JMJD1C: variants seen among roughly 807,000 people sequenced by gnomAD.
JMJD1C encodes jumonji domain containing 1C, also known as jumonji domain-containing protein 1C.
A neutral mutation model predicts 245.3 loss-of-function variants in JMJD1C; 31 were observed. The observed-to-expected ratio is 0.13, with a 90% confidence interval of 0.09 to 0.17. The LOEUF (loss-of-function observed/expected upper bound fraction) is 0.17. JMJD1C is among the 10% of genes least tolerant of loss of function. JMJD1C has a pLI of 1.00. For synonymous variants in JMJD1C, 1,057 were observed against 1,017.4 expected, an observed-to-expected ratio of 1.04 and a Z score of -0.74; for missense variants, 2,691 against 3,000.2, an observed-to-expected ratio of 0.90 and a Z score of 2.41.
chr10:63,336,482 A>C (rs1942747700), intron 2 of JMJD1C, among the ~76,000 whole-genome samples: 1 of 151,948 alleles, frequency 6.6e-6, no homozygotes, highest in East Asian at 1.9e-4. Context: ...AATAAATAAA[A>C]CTACTTACCC....
Position 63,215,113 on chromosome 10 carries a change from T to C in JMJD1C, c.1054A>G (p.Arg352Gly), listed in dbSNP as rs774966850. 1 of 1,575,666 alleles carries C rather than the reference T, an allele frequency of 6.3e-7. No homozygotes were observed. The highest frequency in any genetic ancestry group is 2.2e-5 in the East Asian group (1 of 44,484). The change falls in exon 8 of 26, where the codon AGA becomes GGA. Residue 352 changes from arginine (R) to glycine (G), a missense_variant. This residue lies in a region of JMJD1C where 1,562 missense variants were observed against 1,490.7 expected (regional missense o/e 1.05). Coordinates refer to ENST00000399262, the MANE Select transcript of JMJD1C (RefSeq NM_032776.3). ...TTTTCATCCTCCTCAGGTTTCCTTC[T>C]TTTATTCATCAAGTGTTTGTTTTTA... ...KGKNKHLMNK[R>G]RKPEEDEKKL...
chr10:63,284,630 C>G (rs1857763640), intron 2 of JMJD1C, among the ~76,000 whole-genome samples: 1 of 152,046 alleles, frequency 6.6e-6, no homozygotes, highest in Non-Finnish European at 1.5e-5. Flanking sequence ...TTTCTGGTGA[C>G]AAAAACATCA....
At chr10:63,414,287 T>C (rs1229604527) in intron 1 of JMJD1C, among the ~76,000 whole-genome samples, 1 of 152,146 alleles carries the variant, frequency 6.6e-6, no homozygotes, top group Non-Finnish European at 1.5e-5. Context: ...ACCCAGCCAA[T>C]ACTGTGTATT....
rs1842025700 is a variant in JMJD1C, at chr10:63,168,252, G to GT, written c.7534-119dup. 2.8e-5 allele frequency: 28 copies of GT among 986,048 alleles called. 2 individuals carry two copies. In the South Asian group the frequency reaches 4.4e-4, roughly 15 times the overall value. 61.1% of individuals were successfully genotyped at this position (986,048 alleles called of 1,614,324 possible). A position where few individuals can be genotyped will look rare whatever the true frequency, so the allele number is the denominator to read the frequency against. ...TAGGAAAGCCAAATATAAGAAAAAT[G>GT]TTTGAAAGTGTTAAGCCAAAAGGGA... On this transcript the variant is annotated intron_variant, in intron 25 of 25. Transcript: ENST00000399262.
At chr10:63,324,419 A>C (rs1389018730) in intron 2 of JMJD1C, among the ~76,000 whole-genome samples, 1 of 152,224 alleles carries the variant, frequency 6.6e-6, no homozygotes, top group East Asian at 1.9e-4. Context: ...AGGAGATAAT[A>C]GTACAAAGTT....
chr10:63,220,240 A>G (rs1014918725), intron 3 of JMJD1C, among the ~76,000 whole-genome samples: 2 of 152,240 alleles, frequency 1.3e-5, no homozygotes, highest in African/African-American at 4.8e-5. Context: ...TCTAACTTTT[A>G]AAGTATAGCC....
chr10:63,222,944 A>G (rs1848781417), intron 3 of JMJD1C: 1 of 1,497,060 alleles, frequency 6.7e-7, no homozygotes, highest in African/African-American at 1.4e-5. Flanking sequence ...CTGCCATATA[A>G]TTCAAATATT....
At chr10:63,296,961 G>A (rs1277770697) in intron 2 of JMJD1C, among the ~76,000 whole-genome samples, 1 of 152,120 alleles carries the variant, frequency 6.6e-6, no homozygotes, top group Non-Finnish European at 1.5e-5. Flanking sequence ...CAAAGTACCT[G>A]TTACTATATA....
chr10:63,217,620 TATA>T (rs1848143930), intron 4 of JMJD1C: 2 of 192,314 alleles, frequency 1.0e-5, no homozygotes, highest in South Asian at 1.6e-4. Context: ...AATGCAAAGT[TATA>T]GTAGTGTAGA....
At chr10:63,266,332 A>G (rs1385930901) in intron 2 of JMJD1C, among the ~76,000 whole-genome samples, 1 of 152,066 alleles carries the variant, frequency 6.6e-6, no homozygotes, top group African/African-American at 2.4e-5. Flanking sequence ...TTATTTAGCT[A>G]TTTCCTTCTA....
intron 1 of JMJD1C, among the ~76,000 whole-genome samples, chr10:63,408,463 C>G (rs1949299136): frequency 6.6e-6 from 1 of 151,490 alleles, no homozygotes; most frequent in East Asian, 1.9e-4. Flanking sequence ...AATTTCCAAG[C>G]AGAGACACAA....
At chr10:63,448,007 T>A (rs1951815118) in intron 1 of JMJD1C, among the ~76,000 whole-genome samples, 1 of 152,050 alleles carries the variant, frequency 6.6e-6, no homozygotes, top group Non-Finnish European at 1.5e-5. Flanking sequence ...TAAAGTATTG[T>A]GAAAACCAAG....
chr10:63,520,811 C>A (rs1955192898), intron 1 of JMJD1C, among the ~76,000 whole-genome samples: 1 of 152,182 alleles, frequency 6.6e-6, no homozygotes, highest in Non-Finnish European at 1.5e-5. Flanking sequence ...AACATGAAAT[C>A]CTCCTCTGTC....
rs1853881819 is a variant in JMJD1C, at chr10:63,256,107, T to C, written c.447+8544A>G. On this transcript the variant is annotated intron_variant, in intron 3 of 25. Coordinates refer to ENST00000399262, the MANE Select transcript of JMJD1C (RefSeq NM_032776.3). ...GGAGACTGGCAGATTTTTCAGCATATGATCACAGCAGATTTGGGACCAGGA... is the reference window on the plus strand; with the variant it reads ...GGAGACTGGCAGATTTTTCAGCATACGATCACAGCAGATTTGGGACCAGGA... Among the ~76,000 whole-genome samples the C allele has an allele frequency of 2.0e-5, 3 of 152,276 alleles. 1 individual carries two copies. The highest frequency in any genetic ancestry group is 7.2e-5 in the African/African-American group (3 of 41,560).
At chr10:63,352,772 G>A (rs1944472485) in intron 2 of JMJD1C, among the ~76,000 whole-genome samples, 1 of 152,142 alleles carries the variant, frequency 6.6e-6, no homozygotes, top group African/African-American at 2.4e-5. Flanking sequence ...GCATAGGTAT[G>A]CGTAGTTTTT....
chr10:63,271,429 C>A (rs1856284324), intron 2 of JMJD1C, among the ~76,000 whole-genome samples: 1 of 152,120 alleles, frequency 6.6e-6, no homozygotes, highest in African/African-American at 2.4e-5. Context: ...CCACCGATCT[C>A]AGCCTCTCAA....
chr10:63,192,919 G>A lies in JMJD1C; in HGVS notation c.6076+19C>T. On this transcript the variant is annotated intron_variant, in intron 16 of 25. Transcript: ENST00000399262. The stretch of plus-strand genomic sequence containing the variant: ...ACTATACTCCTCTCACACATGCCTA[G>A]ATAATCAATTATGTTTACCTTTTTT... 1.3e-6 allele frequency: 2 copies of A among 1,570,874 alleles called. No individual in the cohort carries two copies. Among genetic ancestry groups the A allele is most frequent in the Non-Finnish European group, 1.8e-6 (2 of 1,141,428 alleles).
At chr10:63,397,161 ATAAC>A (rs1948557004) in intron 1 of JMJD1C, among the ~76,000 whole-genome samples, 1 of 152,214 alleles carries the variant, frequency 6.6e-6, no homozygotes, top group Non-Finnish European at 1.5e-5. Flanking sequence ...CATTTAATAA[ATAAC>A]CACAGTCTTC....
intron 1 of JMJD1C, among the ~76,000 whole-genome samples, chr10:63,420,496 G>C (rs759936284): frequency 3.3e-5 from 5 of 151,864 alleles, no homozygotes; most frequent in South Asian, 4.2e-4. Flanking sequence ...CTTGAACTTT[G>C]TAGTTCAAGA....
Sources: allele counts gnomAD v4.1 joint callset (sites outside exome capture counted in the v4.1 genomes callset), GRCh38; gene constraint gnomAD v4.1.1; regional missense constraint gnomAD v4.1.1; transcripts MANE v1.5; gene names NCBI Gene and HGNC (gene_info 2026-07-23, HGNC 2026-07-21).